RGS22: variants seen among roughly 807,000 people sequenced by gnomAD.
The protein encoded by RGS22 is regulator of G protein signaling 22.
A neutral mutation model predicts 172.9 loss-of-function variants in RGS22; 148 were observed. That is an observed-to-expected ratio of 0.86 (90% CI 0.75 to 0.98). The LOEUF (loss-of-function observed/expected upper bound fraction) is 0.98, where lower values mean the gene tolerates loss of function less well. Ranked by LOEUF, RGS22 falls within the 50% of genes least tolerant of loss-of-function variation. The pLI, the probability that RGS22 is intolerant of heterozygous loss-of-function variation, is 0.00. For synonymous variants in RGS22, 458 were observed against 480.2 expected (o/e 0.95, Z 0.60); for missense variants, 1,347 against 1,440.8 (o/e 0.93, Z 1.05).
intron 6 of RGS22, among the ~76,000 whole-genome samples, chr8:100,070,624 T>C (rs1021056994): frequency 6.6e-6 from 1 of 152,248 alleles, no homozygotes; most frequent in African/African-American, 2.4e-5. Flanking sequence ...ATTGTGGGTT[T>C]TTTGTATTGT....
intron 26 of RGS22, 52 bp from the exon 27 acceptor site, chr8:99,962,495 G>T (rs767948469): frequency 6.3e-7 from 1 of 1,575,512 alleles, no homozygotes; most frequent in South Asian, 1.1e-5. Flanking sequence ...CTCCTTAGCA[G>T]AGGAGAGGAA....
At chr8:100,100,378 C>T (rs1813376420) in intron 2 of RGS22, among the ~76,000 whole-genome samples, 1 of 151,904 alleles carries the variant, frequency 6.6e-6, no homozygotes, top group African/African-American at 2.4e-5. Context: ...CAACCTCCAC[C>T]TCCTGGGTTC....
intron 14 of RGS22, among the ~76,000 whole-genome samples, chr8:100,009,030 G>A (rs1272663020): frequency 6.6e-6 from 1 of 152,144 alleles, no homozygotes; most frequent in Non-Finnish European, 1.5e-5. Flanking sequence ...AAATTGAGCT[G>A]CAGAGTTCTT....
In RGS22 at chr8:100,053,294, C is replaced by T. The variant is rs144398130; in HGVS notation, c.1515-318G>A. The stretch of plus-strand genomic sequence containing the variant: ...AAAATTAGCTGGGCATGGTGATGGG[C>T]GCCTGTAACCCCAGCTACTCAGGGG... On this transcript the variant is annotated intron_variant, in intron 9 of 27. Coordinates refer to ENST00000360863, the MANE Select transcript of RGS22 (RefSeq NM_015668.5). Among the ~76,000 whole-genome samples, 1,177 of 152,064 alleles carry T rather than the reference C, an allele frequency of 7.7e-3. 7 individuals carry two copies. Among genetic ancestry groups the T allele is most frequent in the South Asian group, 0.026 (124 of 4,808 alleles).
intron 7 of RGS22, 122 bp downstream of exon 7, chr8:100,066,045 A>T: frequency 1.3e-6 from 1 of 773,332 alleles, no homozygotes; most frequent in Non-Finnish European, 1.9e-6. Flanking sequence ...AAGTCGAGTG[A>T]GGCAAAGCGT....
Position 100,038,966 on chromosome 8 carries a change from T to G in RGS22, c.2131A>C (p.Thr711Pro), listed in dbSNP as rs1035236666. 7 of 1,612,488 alleles carry G rather than the reference T, an allele frequency of 4.3e-6. No individual in the cohort carries two copies. The highest frequency in any genetic ancestry group is 5.9e-6 in the Non-Finnish European group (7 of 1,179,174). Residue 711 changes from threonine (T) to proline (P), a missense_variant, in exon 14 of 28, where the codon ACA becomes CCA. By Grantham distance (38) the Thr-to-Pro change is conservative. Transcript: ENST00000360863. ...QAYHQLFYQE[T>P]LQPFKVCKQA... ...TTGCATACTTTAAAAGGCTGAAGTG[T>G]TTCTTGGTAGAAAAGCTGATGATAA...
intron 14 of RGS22, among the ~76,000 whole-genome samples, chr8:100,031,699 T>C (rs1364322056): frequency 6.6e-6 from 1 of 152,156 alleles, no homozygotes; most frequent in Admixed American, 6.6e-5. Flanking sequence ...TTTGTTAGGA[T>C]ATAACTTATC....
At chr8:100,052,076 T>C in intron 10 of RGS22, among the ~76,000 whole-genome samples, 1 of 98,834 alleles carries the variant, frequency 1.0e-5, no homozygotes, top group Non-Finnish European at 1.8e-5. Flanking sequence ...TATATATAAA[T>C]GTTTATATAT....
At chr8:100,038,009 G>T (rs1819682227) in intron 14 of RGS22, among the ~76,000 whole-genome samples, 1 of 152,132 alleles carries the variant, frequency 6.6e-6, no homozygotes, top group African/African-American at 2.4e-5. Context: ...TGAACATCCA[G>T]CGGTACACTA....
chr8:100,100,409 C>T (rs144715064), intron 2 of RGS22, among the ~76,000 whole-genome samples: 3,950 of 152,016 alleles, frequency 0.026, 172 homozygotes, highest in African/African-American at 0.088. Flanking sequence ...CCTGCTTCAG[C>T]CTCCCAAGTA....
At chr8:100,103,247 G>T (rs1813641131) in intron 2 of RGS22, among the ~76,000 whole-genome samples, 1 of 152,182 alleles carries the variant, frequency 6.6e-6, no homozygotes, top group South Asian at 2.1e-4. Flanking sequence ...AAGAAAAACT[G>T]GAGTTGGCAG....
At chr8:99,966,805 T>C (rs1263887426) in intron 23 of RGS22, among the ~76,000 whole-genome samples, 1 of 152,210 alleles carries the variant, frequency 6.6e-6, no homozygotes, top group Non-Finnish European at 1.5e-5. Context: ...TTTCTAGAAC[T>C]TCATTATCCA....
intron 3 of RGS22, among the ~76,000 whole-genome samples, chr8:100,089,563 A>G (rs1202587234): frequency 6.6e-6 from 1 of 152,124 alleles, no homozygotes. Context: ...ATCATTGGCT[A>G]AGACTCCCTG....
intron 16 of RGS22, among the ~76,000 whole-genome samples, chr8:100,005,215 G>A (rs1267111182): frequency 6.6e-6 from 1 of 151,852 alleles, no homozygotes; most frequent in African/African-American, 2.4e-5. Context: ...TATGTACAAA[G>A]AAGAAAGTTT....
chr8:100,101,424 C>T (rs982868283), intron 2 of RGS22, among the ~76,000 whole-genome samples: 6 of 148,044 alleles, frequency 4.1e-5, no homozygotes, highest in Admixed American at 6.8e-5. Flanking sequence ...GTTGCTGGGA[C>T]TACAGGCATG....
At chr8:100,016,068 T>C (rs955648137) in intron 14 of RGS22, among the ~76,000 whole-genome samples, 17 of 152,236 alleles carry the variant, frequency 1.1e-4, no homozygotes, top group African/African-American at 4.1e-4. Context: ...GTTAGATAAA[T>C]TCTGAAGTTT....
At chr8:99,996,012 C>G (rs1814322439) in intron 20 of RGS22, among the ~76,000 whole-genome samples, 1 of 143,688 alleles carries the variant, frequency 7.0e-6, no homozygotes, top group African/African-American at 2.6e-5. Flanking sequence ...ATCACAAGGA[C>G]AGAAAACCAA....
In RGS22 at chr8:100,011,526, C is replaced by A. The variant is rs112913035; in HGVS notation, c.2167-2957G>T. 7.3e-3 allele frequency among the ~76,000 whole-genome samples: 1,118 copies of A among 152,216 alleles called. 6 individuals are homozygous for A. The highest frequency in any genetic ancestry group is 0.02 in the Middle Eastern group (6 of 294). The stretch of plus-strand genomic sequence containing the variant: ...TTCCCATCTCACACATAATAAAAGT[C>A]AAAATCCTTATAATTACCTATAAAT... On this transcript the variant is annotated intron_variant, in intron 14 of 27. Coordinates refer to ENST00000360863, the MANE Select transcript of RGS22 (RefSeq NM_015668.5).
At chr8:100,033,702 G>A (rs371204876) in intron 14 of RGS22, among the ~76,000 whole-genome samples, 27 of 151,592 alleles carry the variant, frequency 1.8e-4, no homozygotes, top group Middle Eastern at 3.4e-3. Context: ...ACATCAATGC[G>A]AAAATCCTCA....
Sources: allele counts gnomAD v4.1 joint callset (sites outside exome capture counted in the v4.1 genomes callset), GRCh38; gene constraint gnomAD v4.1.1; transcripts MANE v1.5; gene names NCBI Gene and HGNC (gene_info 2026-07-23, HGNC 2026-07-21).